Variants in CHD3 observed in about 807,000 individuals in gnomAD.
CHD3 encodes the protein chromodomain helicase DNA binding protein 3.
CHD3 carries 52 observed loss-of-function variants against 248.9 expected under a neutral mutation model. The ratio of observed to expected loss-of-function variants is 0.21; its 90% CI spans 0.17 to 0.26. CHD3 has a LOEUF of 0.26. Ranked by LOEUF, CHD3 falls within the 10% of genes least tolerant of loss-of-function variation. The pLI is 1.00. For synonymous variants in CHD3, 985 were observed against 985.2 expected (o/e 1.00, Z 0.00); for missense variants, 1,482 against 2,605.8 (o/e 0.57, Z 9.39).
rs760785681 is a variant in CHD3, at chr17:7,906,119, T to C, written c.4358+130T>C. On this transcript the variant is annotated intron_variant, in intron 28 of 39. Coordinates refer to ENST00000330494, the MANE Select transcript of CHD3 (RefSeq NM_001005273.3). This position sits in a 1 kb window ranked among gnomAD's most constrained non-coding sequence, Gnocchi z 5.0. ...ATCACCCTCCCTGTCATACAATACT[T>C]CCTGGCTCGATTTCCTGGGGGGTGG... The C allele has an allele frequency of 2.4e-5, 33 of 1,384,880 alleles. No individual in the cohort carries two copies. In the African/African-American group the frequency reaches 4.5e-4, roughly 19 times the overall value. 85.8% of individuals were successfully genotyped at this position (1,384,880 alleles called of 1,614,324 possible).
intron 4 of CHD3, 135 bp from the exon 5 acceptor site, chr17:7,893,151 G>C: frequency 7.4e-6 from 9 of 1,217,616 alleles, no homozygotes; most frequent in Non-Finnish European, 9.7e-6. Flanking sequence ...TTTTTAAATG[G>C]CTGTTTTTCC....
At chr17:7,887,326 C>T (rs549431382), upstream of CHD3, among the ~76,000 whole-genome samples, 1 of 152,288 alleles carries the variant, frequency 6.6e-6, no homozygotes, top group East Asian at 1.9e-4. Context: ...AGTCTCCTTA[C>T]ATTGTTAAAC....
Position 7,899,286 on chromosome 17 carries a change from G to A in CHD3, c.2344-57G>A, listed in dbSNP as rs1970042183. 4 of 1,605,634 alleles carry A rather than the reference G, an allele frequency of 2.5e-6. No homozygotes were observed. On this transcript the variant is annotated intron_variant, in intron 14 of 39. Coordinates refer to ENST00000330494, the MANE Select transcript of CHD3 (RefSeq NM_001005273.3). This position sits in a 1 kb window ranked among gnomAD's most constrained non-coding sequence, Gnocchi z 6.8. ...AGATAAAGGGGTGTAGCTGGCAGAG[G>A]ACTAGGGTATACGGCCTCTAGCCTA... is the stretch of plus-strand genomic sequence containing the variant.
chr17:7,894,768 A>G (rs1485399674), intron 8 of CHD3, 149 bp from the exon 9 acceptor site: 15 of 1,382,650 alleles, frequency 1.1e-5, no homozygotes, highest in Non-Finnish European at 1.5e-5. Flanking sequence ...CCCACAATCA[A>G]CATTTCTGAA....
In CHD3 at chr17:7,904,497, A is replaced by T; in HGVS notation, c.3950A>T (p.Tyr1317Phe). 2.5e-6 allele frequency: 4 copies of T among 1,614,080 alleles called. No individual in the cohort carries two copies. The highest frequency in any genetic ancestry group is 3.4e-6 in the Non-Finnish European group (4 of 1,180,018). The change falls in exon 25 of 40, where the codon TAC becomes TTC. Residue 1317 changes from tyrosine to phenylalanine, a missense_variant. By Grantham distance (22) the Tyr-to-Phe change is conservative. Around this residue, in one of 20 missense-constraint regions of CHD3, gnomAD observed 156 missense variants for 420.3 expected, o/e 0.37. Transcript: ENST00000330494. This position sits in a 1 kb window ranked among gnomAD's most constrained non-coding sequence, Gnocchi z 4.4. ...CAGGAGGAGAATGTGGACCCTGACTACTGGGAGAAGCTGCTGAGGCATCAC... is the reference window on the plus strand; with the variant it reads ...CAGGAGGAGAATGTGGACCCTGACTTCTGGGAGAAGCTGCTGAGGCATCAC... The part of the protein sequence containing the change: ...IKQEENVDPD[Y>F]WEKLLRHHYE...
chr17:7,894,112 C>CAGT lies in CHD3; in HGVS notation c.925-1_926dup. On this transcript the variant is annotated splice_region_variant and splice_polypyrimidine_tract_variant and intron_variant, in intron 6 of 39. Transcript: ENST00000330494. ...TCACTGACGGCCACGGGGCTATGGG[C>CAGT]AGTATGTTTTTCAGAGCGACGAAGG... The CAGT allele has an allele frequency of 6.2e-7, 1 of 1,603,272 alleles. No individual in the cohort carries two copies. Among genetic ancestry groups the CAGT allele is most frequent in the South Asian group, 1.1e-5 (1 of 90,470 alleles).
Position 7,908,894 on chromosome 17 carries a change from A to G in CHD3, c.5394+65A>G. The G allele has an allele frequency of 6.2e-7, 1 of 1,603,136 alleles. No homozygotes were observed. The highest frequency in any genetic ancestry group is 8.5e-7 in the Non-Finnish European group (1 of 1,171,940). ...TTGGGTCAGAAGTGAGACCAGATCT[A>G]GTTGGAACCTAGGGAAGGTTAACAC... On this transcript the variant is annotated intron_variant, in intron 36 of 39. Transcript: ENST00000330494. The surrounding 1 kb of genome is among the most constrained non-coding windows in gnomAD (Gnocchi z 5.8).
In CHD3 at chr17:7,904,713, C is replaced by A; in HGVS notation, c.4072+94C>A. ...GCTATTTAGAGGGAAAGAGAGAAGCCTAGAAGTCAGAGCCTTCCTCTGCTA... is the reference window on the plus strand; with the variant it reads ...GCTATTTAGAGGGAAAGAGAGAAGCATAGAAGTCAGAGCCTTCCTCTGCTA... On this transcript the variant is annotated intron_variant, in intron 25 of 39. Transcript: ENST00000330494. The surrounding 1 kb of genome is among the most constrained non-coding windows in gnomAD (Gnocchi z 4.4). 8.3e-7 allele frequency: 1 copy of A among 1,198,782 alleles called. No homozygotes were observed. Among genetic ancestry groups the A allele is most frequent in the Admixed American group, 2.6e-5 (1 of 39,162 alleles). 74.3% of individuals were successfully genotyped at this position (1,198,782 alleles called of 1,614,324 possible). A position where few individuals can be genotyped will look rare whatever the true frequency, so the allele number is the denominator to read the frequency against.
rs1474675817 is a variant in CHD3, at chr17:7,888,854, T to C, written c.-147T>C. On this transcript the variant is annotated 5_prime_UTR_variant, in exon 1 of 40. It removes an upstream start codon present in the reference 5' UTR. Transcript: ENST00000330494. ...GGGTCAGGATATCTGGAACAAAATA[T>C]GGAGGTGAAGGGTGAGATCGGGAAA... The C allele has an allele frequency of 1.4e-6, 2 of 1,464,414 alleles. No homozygotes were observed. Among genetic ancestry groups the C allele is most frequent in the Non-Finnish European group, 1.8e-6 (2 of 1,112,052 alleles). 90.7% of individuals were successfully genotyped at this position (1,464,414 alleles called of 1,614,324 possible).
intron 10 of CHD3, among the ~76,000 whole-genome samples, chr17:7,896,424 A>G (rs1350263299): frequency 1.7e-5 from 2 of 119,828 alleles, no homozygotes; most frequent in Non-Finnish European, 3.5e-5. Context: ...TTTTTTTTTT[A>G]GATGGAGTTT....
chr17:7,898,569 G>A lies in CHD3; in HGVS notation c.2125G>A (p.Gly709Arg). 1.2e-6 allele frequency: 2 copies of A among 1,613,856 alleles called. No homozygotes were observed. The highest frequency in any genetic ancestry group is 2.2e-5 in the East Asian group (1 of 44,880). ...GAAGAAGAAGGAGCTACAGGGTGATGGGCCTCCCAGTTCTCCCACTAATGA... is the reference window on the plus strand; with the variant it reads ...GAAGAAGAAGGAGCTACAGGGTGATAGGCCTCCCAGTTCTCCCACTAATGA... ...KKKKKELQGDGPPSSPTNDPT... is the reference protein window; with the variant it reads ...KKKKKELQGDRPPSSPTNDPT... Residue 709 changes from glycine (G) to arginine (R), a missense_variant, in exon 13 of 40, where the codon GGG becomes AGG. Gly to Arg is a moderately radical substitution (Grantham distance 125). Coordinates refer to ENST00000330494, the MANE Select transcript of CHD3 (RefSeq NM_001005273.3).
upstream of CHD3, among the ~76,000 whole-genome samples, chr17:7,888,535 C>T (rs1415167384): frequency 3.3e-5 from 5 of 152,168 alleles, no homozygotes; most frequent in Admixed American, 6.5e-5. Context: ...GGCATCCTGT[C>T]TTCCTTTATG....
rs766735970 is a variant in CHD3, at chr17:7,893,538, C to T, written c.762C>T (p.Pro254=). 10 of 1,590,532 alleles carry T rather than the reference C, an allele frequency of 6.3e-6. No homozygotes were observed. In the East Asian group the frequency reaches 1.8e-4, roughly 29 times the overall value. Residue 254 remains proline, a synonymous_variant, in exon 5 of 40, where the codon CCC becomes CCT. Coordinates refer to ENST00000330494, the MANE Select transcript of CHD3 (RefSeq NM_001005273.3). ...CTGCTGCTGATATCCAGCCCCCACCCATCCGAAGAGCCAAAACCAAAGAGG... is the reference window on the plus strand; with the variant it reads ...CTGCTGCTGATATCCAGCCCCCACCTATCCGAAGAGCCAAAACCAAAGAGG... The part of the protein sequence containing the change: ...PPPAADIQPP[P]IRRAKTKEGK...
chr17:7,899,760 TG>T lies in CHD3; in HGVS notation c.2545-134del. 1 of 1,201,876 alleles carries T rather than the reference TG, an allele frequency of 8.3e-7. No homozygotes were observed. Among genetic ancestry groups the T allele is most frequent in the Non-Finnish European group, 1.2e-6 (1 of 842,468 alleles). The allele number at this position is 1,201,876 out of a possible 1,614,324, so 74.5% of individuals were successfully genotyped here. ...AATGTGGGCAGAGGTTTAGGAGCCA[TG>T]GTCTGTAATCCCTGCTTGGAGAACA... On this transcript the variant is annotated intron_variant, in intron 15 of 39. Transcript: ENST00000330494. The surrounding 1 kb of genome is among the most constrained non-coding windows in gnomAD (Gnocchi z 6.8).
chr17:7,894,595 G>C lies in CHD3; in HGVS notation c.1256G>C (p.Ser419Thr). 1 of 1,613,350 alleles carries C rather than the reference G, an allele frequency of 6.2e-7. No individual in the cohort carries two copies. The highest frequency in any genetic ancestry group is 8.5e-7 in the Non-Finnish European group (1 of 1,179,482). The part of the protein sequence containing the change: ...ELDRAPEGKW[S>T]CPHCEKEGVQ... ...GACCGGGCTCCAGAGGGCAAATGGA[G>C]CTGCCCTCACTGTGTGAGTACCTAA... The change falls in exon 8 of 40, where the codon AGC becomes ACC. Residue 419 changes from serine (S) to threonine (T), a missense_variant. By Grantham distance (58) the Ser-to-Thr change is moderately conservative. Coordinates refer to ENST00000330494, the MANE Select transcript of CHD3 (RefSeq NM_001005273.3).
intron 20 of CHD3, among the ~76,000 whole-genome samples, chr17:7,901,747 G>A (rs2151588269): frequency 6.6e-6 from 1 of 152,106 alleles, no homozygotes; most frequent in Non-Finnish European, 1.5e-5. Context: ...CTGACCTCAG[G>A]TGATCTGCCC....
rs1281239922 is a variant in CHD3, at chr17:7,904,751, A to G, written c.4072+132A>G. ...CCTTCCTCTGCTAAAAGGGAAAGAC[A>G]TAAGGTAGAGTCATTAGGAACTACC... On this transcript the variant is annotated intron_variant, in intron 25 of 39. Transcript: ENST00000330494. The surrounding 1 kb of genome is among the most constrained non-coding windows in gnomAD (Gnocchi z 4.4). 5 of 909,888 alleles carry G rather than the reference A, an allele frequency of 5.5e-6. No individual in the cohort carries two copies. The highest frequency in any genetic ancestry group is 8.2e-6 in the Non-Finnish European group (5 of 611,128). 56.4% of individuals were successfully genotyped at this position (909,888 alleles called of 1,614,324 possible). A position where few individuals can be genotyped will look rare whatever the true frequency, so the allele number is the denominator to read the frequency against.
Position 7,906,178 on chromosome 17 carries a change from T to A in CHD3, c.4358+189T>A. On this transcript the variant is annotated intron_variant, in intron 28 of 39. Transcript: ENST00000330494. The surrounding 1 kb of genome is among the most constrained non-coding windows in gnomAD (Gnocchi z 5.0). ...CACTCCACCTCCCCTCAGCCGAGCC[T>A]AGAGTAGAGGGGCCAGGCATCCTCC... 1 of 934,890 alleles carries A rather than the reference T, an allele frequency of 1.1e-6. No individual in the cohort carries two copies. The highest frequency in any genetic ancestry group is 1.7e-6 in the Non-Finnish European group (1 of 574,794). The allele number at this position is 934,890 out of a possible 1,614,324, so 57.9% of individuals were successfully genotyped here. A position where few individuals can be genotyped will look rare whatever the true frequency, so the allele number is the denominator to read the frequency against.
chr17:7,895,637 T>C lies in CHD3; in HGVS notation c.1707+95T>C. The C allele has an allele frequency of 8.9e-7, 1 of 1,129,520 alleles. No individual in the cohort carries two copies. The highest frequency in any genetic ancestry group is 1.6e-5 in the African/African-American group (1 of 64,482). 70.0% of individuals were successfully genotyped at this position (1,129,520 alleles called of 1,614,324 possible). On this transcript the variant is annotated intron_variant, in intron 10 of 39. Transcript: ENST00000330494. This position sits in a 1 kb window ranked among gnomAD's most constrained non-coding sequence, Gnocchi z 4.9. ...TCTGTTTGTTGGGTTCCCATACTCTTTGTTTTCTCTCATTTCAGGCCTGTG... is the reference window on the plus strand; with the variant it reads ...TCTGTTTGTTGGGTTCCCATACTCTCTGTTTTCTCTCATTTCAGGCCTGTG...
Sources: gnomAD v4.1 joint callset for allele counts (sites outside exome capture counted in the v4.1 genomes callset) on GRCh38, gnomAD v4.1.1 for gene constraint, gnomAD v4.1.1 regional missense constraint, Gnocchi (gnomAD v3.1) non-coding constraint, MANE v1.5 for transcripts, NCBI Gene and HGNC (gene_info 2026-07-23, HGNC 2026-07-21) for gene names.